PCDH15: variants seen among roughly 807,000 people sequenced by gnomAD.
PCDH15 encodes the protein protocadherin related 15.
PCDH15 carries 129 observed loss-of-function variants against 178.5 expected under a neutral mutation model. The ratio of observed to expected loss-of-function variants is 0.72; its 90% CI spans 0.63 to 0.84. PCDH15 has a LOEUF of 0.84. PCDH15 is among the 40% of genes least tolerant of loss of function. The probability of loss-of-function intolerance (pLI) is 0.00; values close to 1 mark genes in which losing one functional copy is unlikely to be tolerated. For synonymous variants in PCDH15, 800 were observed against 732.0 expected (o/e 1.09, Z -1.50); for missense variants, 2,230 against 2,099.9 (o/e 1.06, Z -1.21).
chr10:54,729,805 CTCA>C (rs1460078320), intron 1 of PCDH15, among the ~76,000 whole-genome samples: 3 of 151,290 alleles, frequency 2.0e-5, no homozygotes, highest in Non-Finnish European at 4.4e-5. Flanking sequence ...TAAAAACATT[CTCA>C]TCATCAATAA....
chr10:54,361,157 C>A (rs1565079495), intron 5 of PCDH15, among the ~76,000 whole-genome samples: 1 of 152,012 alleles, frequency 6.6e-6, no homozygotes, highest in Non-Finnish European at 1.5e-5. Context: ...TACTCAGGTC[C>A]CTAATTGACC....
At chr10:54,262,954 C>T (rs1975405) in intron 8 of PCDH15, among the ~76,000 whole-genome samples, 1 of 151,938 alleles carries the variant, frequency 6.6e-6, no homozygotes, top group Admixed American at 6.5e-5. Flanking sequence ...CCATGGTTGC[C>T]AGCTGGGCTG....
At chr10:54,876,774 C>T (rs547395086) in intron 3 of PCDH15, among the ~76,000 whole-genome samples, 32 of 152,148 alleles carry the variant, frequency 2.1e-4, no homozygotes, top group African/African-American at 7.2e-4. Context: ...AAGTAGTTTC[C>T]TGAGATGGAA....
intron 3 of PCDH15, among the ~76,000 whole-genome samples, chr10:54,508,389 A>G (rs540270637): frequency 1.3e-5 from 2 of 152,162 alleles, no homozygotes; most frequent in African/African-American, 2.4e-5. Flanking sequence ...GTCATACTCT[A>G]CTACAGATGC....
intron 1 of PCDH15, among the ~76,000 whole-genome samples, chr10:54,731,575 C>T (rs11004514): frequency 0.031 from 1,674 of 53,224 alleles, 51 homozygotes; most frequent in African/African-American, 0.09. Flanking sequence ...CACACACACA[C>T]ACACACACAC....
At chr10:54,290,524 G>T (rs1035953455) in intron 8 of PCDH15, among the ~76,000 whole-genome samples, 1 of 152,102 alleles carries the variant, frequency 6.6e-6, no homozygotes, top group East Asian at 1.9e-4. Context: ...CATAATGACA[G>T]GATCAAATTC....
At chr10:54,653,073 T>G (rs1193549206) in intron 2 of PCDH15, among the ~76,000 whole-genome samples, 1 of 152,194 alleles carries the variant, frequency 6.6e-6, no homozygotes, top group Admixed American at 6.5e-5. Flanking sequence ...TTTGAACTCA[T>G]GATAACCCTA....
intron 15 of PCDH15, among the ~76,000 whole-genome samples, chr10:54,122,524 C>CT (rs139516972): frequency 4.7e-5 from 7 of 150,462 alleles, no homozygotes; most frequent in African/African-American, 7.3e-5. Flanking sequence ...AGATGTTAAA[C>CT]TTTTTTTTTC....
chr10:55,349,746 T>C (rs987177517), intron 2 of PCDH15, among the ~76,000 whole-genome samples: 16 of 152,118 alleles, frequency 1.1e-4, no homozygotes, highest in East Asian at 1.9e-4. Context: ...CATTATCCTA[T>C]TGTAAGATAA....
chr10:54,577,100 T>G (rs1287087252), intron 2 of PCDH15, among the ~76,000 whole-genome samples: 1 of 151,998 alleles, frequency 6.6e-6, no homozygotes, highest in East Asian at 1.9e-4. Context: ...TCTTTTTTTT[T>G]TTTGAGACAG....
chr10:55,092,724 CTGTT>C (rs1842346974), intron 2 of PCDH15, among the ~76,000 whole-genome samples: 3 of 151,796 alleles, frequency 2.0e-5, no homozygotes, highest in Admixed American at 1.3e-4. Flanking sequence ...GCTTATTGCT[CTGTT>C]TGTTTCTATT....
intron 1 of PCDH15, among the ~76,000 whole-genome samples, chr10:55,296,257 A>G (rs1033338718): frequency 6.6e-6 from 1 of 152,130 alleles, no homozygotes; most frequent in Non-Finnish European, 1.5e-5. Flanking sequence ...CCAAATAGGC[A>G]TGGATGAGTA....
intron 1 of PCDH15, among the ~76,000 whole-genome samples, chr10:55,266,772 CA>C (rs1554847381): frequency 6.6e-6 from 1 of 152,094 alleles, no homozygotes; most frequent in Non-Finnish European, 1.5e-5. Context: ...AGAGTCTGGC[CA>C]AGGTGGTCAG....
intron 3 of PCDH15, among the ~76,000 whole-genome samples, chr10:54,417,978 A>G (rs1299499823): frequency 6.6e-6 from 1 of 152,142 alleles, no homozygotes; most frequent in African/African-American, 2.4e-5. Flanking sequence ...CAAAGGTGCA[A>G]TAAAGTGCGT....
intron 15 of PCDH15, among the ~76,000 whole-genome samples, chr10:54,100,339 T>C (rs913578907): frequency 1.3e-5 from 2 of 151,178 alleles, no homozygotes; most frequent in African/African-American, 4.9e-5. Flanking sequence ...CACTCCAGCC[T>C]GAGTGACAGA....
At chr10:54,720,391 A>T (rs1400696255) in intron 1 of PCDH15, among the ~76,000 whole-genome samples, 1 of 152,044 alleles carries the variant, frequency 6.6e-6, no homozygotes, top group Admixed American at 6.6e-5. Context: ...TGGAAAAAAA[A>T]ATCCTAAAAT....
intron 2 of PCDH15, among the ~76,000 whole-genome samples, chr10:55,469,537 T>C (rs979683783): frequency 3.3e-5 from 5 of 152,090 alleles, no homozygotes; most frequent in South Asian, 2.1e-4. Flanking sequence ...ATTGTTTATA[T>C]TGCTATTGAA....
At chr10:54,861,641 C>A (rs865849156) in intron 3 of PCDH15, among the ~76,000 whole-genome samples, 3 of 152,250 alleles carry the variant, frequency 2.0e-5, no homozygotes, top group Middle Eastern at 3.4e-3. Context: ...CTGAACAACA[C>A]AAAGATTCCC....
At chr10:55,349,306 A>G (rs1406867929) in intron 2 of PCDH15, among the ~76,000 whole-genome samples, 1 of 152,160 alleles carries the variant, frequency 6.6e-6, no homozygotes, top group Non-Finnish European at 1.5e-5. Context: ...AAGTAATTCC[A>G]GAACCAATGT....
Sources: allele counts gnomAD v4.1 joint callset (sites outside exome capture counted in the v4.1 genomes callset), GRCh38; gene constraint gnomAD v4.1.1; transcripts MANE v1.5; gene names NCBI Gene and HGNC (gene_info 2026-07-23, HGNC 2026-07-21).